HEPH: variants seen among roughly 807,000 people sequenced by gnomAD.
HEPH encodes hephaestin.
HEPH carries 69 observed loss-of-function variants against 80.8 expected under a neutral mutation model. That is an observed-to-expected ratio of 0.85 (90% confidence interval 0.70 to 1.04). The LOEUF is 1.04. Among genes scored for constraint, HEPH ranks in the 50% least tolerant of loss-of-function variants. The pLI is 0.00. For synonymous variants in HEPH, 431 were observed against 322.8 expected (o/e 1.34, Z -3.60); for missense variants, 1,115 against 891.3 (o/e 1.25, Z -3.20).
Position 66,218,477 on chromosome X carries a change from T to TA in HEPH, c.2563+10237dup, listed in dbSNP as rs763811460. Among the ~76,000 whole-genome samples the TA allele has an allele frequency of 2.7e-3, 306 of 112,127 alleles. 1 individual carries two copies. Among genetic ancestry groups the TA allele is most frequent in the African/African-American group, 9.5e-3 (293 of 30,889 alleles). ...CAACAATGACATCAAGATAGAAATT[T>TA]AAAAAACCTTTTGACATGAGCAATA... is the stretch of plus-strand genomic sequence containing the variant. On this transcript the variant is annotated intron_variant, in intron 15 of 20. Transcript: ENST00000343002.
chrX:66,210,492 A>G (rs935848134), intron 15 of HEPH, among the ~76,000 whole-genome samples: 1 of 111,569 alleles, frequency 9.0e-6, no homozygotes, highest in African/African-American at 3.3e-5. Context: ...AGGGACTAAT[A>G]GGCTAGAGTG....
chrX:66,256,151 G>A lies in HEPH; in HGVS notation c.2717G>A (p.Gly906Asp), dbSNP rs1265287645. The A allele has an allele frequency of 8.3e-7, 1 of 1,211,267 alleles. No individual in the cohort carries two copies. The highest frequency in any genetic ancestry group is 3.0e-5 in the East Asian group (1 of 33,796). Residue 906 changes from glycine to aspartate, a missense_variant, in exon 17 of 21, where the codon GGC (glycine) becomes GAC (aspartate). Physicochemically the swap from Gly to Asp is moderately conservative, Grantham distance 94. Transcript: ENST00000343002. Reference sequence around the variant, plus strand: ...GGGCCCTTGGCTATCTGCCAAAAGGGCATCCTGGAGCCCCATGGAGGACGG... The same window carrying A: ...GGGCCCTTGGCTATCTGCCAAAAGGACATCCTGGAGCCCCATGGAGGACGG... Reference protein sequence around the residue: ...LVGPLAICQKGILEPHGGRSD... With the variant: ...LVGPLAICQKDILEPHGGRSD...
intron 9 of HEPH, among the ~76,000 whole-genome samples, chrX:66,196,375 A>G (rs1336767478): frequency 9.0e-6 from 1 of 111,641 alleles, no homozygotes; most frequent in Non-Finnish European, 1.9e-5. Flanking sequence ...TCATTGCACT[A>G]TTTTTTAAAG....
rs533856102 is a variant in HEPH at position 66,232,140 on chromosome X, G to T, written c.2564-22895G>T. 1.7e-3 allele frequency among the ~76,000 whole-genome samples: 184 copies of T among 110,525 alleles called. 3 individuals carry two copies. In the South Asian group the frequency reaches 0.071, roughly 43 times the overall value. On this transcript the variant is annotated intron_variant, in intron 15 of 20. Coordinates refer to ENST00000343002, the MANE Select transcript of HEPH (RefSeq NM_001367233.3). ...CCAGGGATGAAGCCCACTTGATCATGGTGGATAAGCTTTTTGATGTGCTGC... is the reference window on the plus strand; with the variant it reads ...CCAGGGATGAAGCCCACTTGATCATTGTGGATAAGCTTTTTGATGTGCTGC...
rs2090786089 is a variant in HEPH, at chrX:66,245,885, T to C, written c.2564-9150T>C. On this transcript the variant is annotated intron_variant, in intron 15 of 20. Coordinates refer to ENST00000343002, the MANE Select transcript of HEPH (RefSeq NM_001367233.3). ...TAGAATGGTTTTGATTCTAGTCTAC[T>C]CCTTGGTGTTTAAATAACTCCCTCT... Among the ~76,000 whole-genome samples the C allele has an allele frequency of 4.4e-5, 5 of 112,532 alleles. No homozygotes were observed. In the Admixed American group the frequency reaches 4.7e-4, roughly 11 times the overall value.
At chrX:66,231,062 G>A (rs1414332012) in intron 15 of HEPH, among the ~76,000 whole-genome samples, 34 of 108,751 alleles carry the variant, frequency 3.1e-4, no homozygotes, top group Non-Finnish European at 6.1e-4. Flanking sequence ...GTTTTTCTCA[G>A]GTTTGTCAAA....
intron 15 of HEPH, among the ~76,000 whole-genome samples, chrX:66,224,503 C>T (rs188252979): frequency 1.8e-5 from 2 of 112,018 alleles, no homozygotes; most frequent in East Asian, 5.6e-4. Flanking sequence ...TCTTTTATTG[C>T]CTTAGGATAC....
At chrX:66,255,184 G>T (rs368555093) in intron 16 of HEPH, 43 bp downstream of exon 16, 19 of 918,029 alleles carry the variant, frequency 2.1e-5, no homozygotes, top group Non-Finnish European at 3.0e-5. Context: ...CAAACTCCCT[G>T]GCAAAAAGAA....
intron 19 of HEPH, among the ~76,000 whole-genome samples, chrX:66,261,823 T>G (rs2091374748): frequency 8.9e-6 from 1 of 112,276 alleles, no homozygotes; most frequent in Non-Finnish European, 1.9e-5. Context: ...ACTTAACTAC[T>G]CAGGAGCTAT....
At chrX:66,196,101 G>A (rs1250608969) in intron 9 of HEPH, among the ~76,000 whole-genome samples, 1 of 111,109 alleles carries the variant, frequency 9.0e-6, no homozygotes, top group Non-Finnish European at 1.9e-5. Flanking sequence ...AATAGCTTTA[G>A]GAGACATTTT....
At chrX:66,206,994 G>A (rs1490855587) in intron 13 of HEPH, among the ~76,000 whole-genome samples, 1 of 108,755 alleles carries the variant, frequency 9.2e-6, no homozygotes, top group Non-Finnish European at 1.9e-5. Context: ...TCCAGCCTGG[G>A]CAACAAGAGC....
chrX:66,210,418 G>T (rs1414802739), intron 15 of HEPH, among the ~76,000 whole-genome samples: 1 of 111,556 alleles, frequency 9.0e-6, no homozygotes, highest in Non-Finnish European at 1.9e-5. Context: ...TAATGAGAAG[G>T]TCAGGGTTGT....
chrX:66,221,204 G>A (rs889595306), intron 15 of HEPH, among the ~76,000 whole-genome samples: 5 of 111,613 alleles, frequency 4.5e-5, no homozygotes, highest in African/African-American at 6.5e-5. Context: ...TCCTGTCCGC[G>A]TACCACTCAC....
intron 4 of HEPH, among the ~76,000 whole-genome samples, 200 bp downstream of exon 4, chrX:66,174,001 T>C (rs1038011674): frequency 3.6e-5 from 4 of 110,833 alleles, no homozygotes; most frequent in African/African-American, 1.3e-4. Flanking sequence ...TTTCTTTGTT[T>C]GTGGGTTAGG....
chrX:66,227,828 G>T (rs990448288), intron 15 of HEPH, among the ~76,000 whole-genome samples: 3 of 111,187 alleles, frequency 2.7e-5, no homozygotes, highest in Non-Finnish European at 5.7e-5. Context: ...GTTGGGTAAT[G>T]TGATTCCTCC....
intron 4 of HEPH, among the ~76,000 whole-genome samples, chrX:66,182,172 T>A (rs2087197598): frequency 1.3e-5 from 1 of 78,213 alleles, no homozygotes; most frequent in African/African-American, 4.9e-5. Flanking sequence ...AGGATTGACT[T>A]GGCGATGCGG....
At chrX:66,213,256 T>C (rs1257016670) in intron 15 of HEPH, among the ~76,000 whole-genome samples, 1 of 107,896 alleles carries the variant, frequency 9.3e-6, no homozygotes, top group Admixed American at 1.0e-4. Context: ...CATTGTTCAG[T>C]TCCCACCTAT....
intron 15 of HEPH, 99 bp downstream of exon 15, chrX:66,208,345 G>T: frequency 1.2e-6 from 1 of 837,052 alleles, no homozygotes; most frequent in South Asian, 2.9e-5. Flanking sequence ...TCAGACTGGA[G>T]TGATAGCTCA....
intron 13 of HEPH, among the ~76,000 whole-genome samples, chrX:66,205,630 C>A (rs1344663616): frequency 9.5e-6 from 1 of 105,688 alleles, no homozygotes; most frequent in African/African-American, 3.5e-5. Flanking sequence ...GAGTCTCAGT[C>A]TGTCACCCAG....
Sources: allele counts gnomAD v4.1 joint callset (sites outside exome capture counted in the v4.1 genomes callset), GRCh38; gene constraint gnomAD v4.1.1; transcripts MANE v1.5; gene names NCBI Gene and HGNC (gene_info 2026-07-23, HGNC 2026-07-21).